The following TMPRSS15 variants were observed in gnomAD, a reference collection of about 807,000 sequenced individuals.
The protein encoded by TMPRSS15 is transmembrane serine protease 15, also known as enteropeptidase.
Under a neutral mutation model 125.3 loss-of-function variants are expected in TMPRSS15, and 128 were observed. That is an observed-to-expected ratio of 1.02 (90% CI 0.89 to 1.18). TMPRSS15 has a LOEUF of 1.18. Ranked by LOEUF, TMPRSS15 falls within the 50% of genes most tolerant of loss-of-function variation. The pLI is 0.00. For synonymous variants in TMPRSS15, 446 were observed against 423.2 expected (o/e 1.05, Z -0.66); for missense variants, 1,283 against 1,212.7 (o/e 1.06, Z -0.86).
chr21:18,465,159 C>A (rs994837101), intron 1 of TMPRSS15, among the ~76,000 whole-genome samples: 1 of 152,074 alleles, frequency 6.6e-6, no homozygotes, highest in African/African-American at 2.4e-5. Context: ...ATGACAAAAA[C>A]CACATGATTA....
rs1262341034 is a variant in TMPRSS15, at chr21:18,281,056, A to G, written c.2652T>C (p.Phe884=). Residue 884 remains phenylalanine, a synonymous_variant, in exon 22 of 25, where the codon TTT becomes TTC. Transcript: ENST00000284885. ...TTTTTTTACCTGTGTAATTCACTTT[A>G]AATTCCAGATGCATCATGGCAATGT... The part of the protein sequence containing the change: ...DNDIAMMHLE[F]KVNYTDYIQP... The G allele has an allele frequency of 3.1e-6, 5 of 1,613,800 alleles. No homozygotes were observed. Among genetic ancestry groups the G allele is most frequent in the Non-Finnish European group, 3.4e-6 (4 of 1,180,008 alleles).
At chr21:18,458,544 A>C (rs138561318) in intron 1 of TMPRSS15, among the ~76,000 whole-genome samples, 40 of 152,324 alleles carry the variant, frequency 2.6e-4, no homozygotes, top group African/African-American at 7.2e-4. Flanking sequence ...GTTTTCACAA[A>C]GTGGTCGGAC....
chr21:18,332,565 A>T (rs1601347328), intron 13 of TMPRSS15, among the ~76,000 whole-genome samples: 1 of 152,184 alleles, frequency 6.6e-6, no homozygotes, highest in Non-Finnish European at 1.5e-5. Context: ...CACCAGTCAG[A>T]ATGGCTATTA....
chr21:18,281,293 T>C (rs956953314), intron 21 of TMPRSS15, 72 bp from the exon 22 acceptor site: 65 of 1,268,616 alleles, frequency 5.1e-5, no homozygotes, highest in Non-Finnish European at 6.7e-5. Flanking sequence ...ATCTTCATCA[T>C]GACATTTCAG....
chr21:18,344,707 A>T (rs559178668), intron 10 of TMPRSS15, among the ~76,000 whole-genome samples: 1 of 152,354 alleles, frequency 6.6e-6, no homozygotes, highest in East Asian at 1.9e-4. Flanking sequence ...TATTCCAACC[A>T]ATGATTTCAG....
intron 1 of TMPRSS15, among the ~76,000 whole-genome samples, chr21:18,464,737 A>G (rs1246177189): frequency 2.0e-5 from 3 of 152,212 alleles, no homozygotes; most frequent in East Asian, 1.9e-4. Context: ...GAATAGACCA[A>G]TAACAATTTC....
chr21:18,412,466 T>C (rs2076168437), intron 1 of TMPRSS15, among the ~76,000 whole-genome samples: 1 of 152,232 alleles, frequency 6.6e-6, no homozygotes, highest in Admixed American at 6.5e-5. Flanking sequence ...GAACTAAAAG[T>C]TCCTGACATG....
chr21:18,279,556 G>C (rs528376381), intron 22 of TMPRSS15, among the ~76,000 whole-genome samples: 1 of 150,542 alleles, frequency 6.6e-6, no homozygotes. Flanking sequence ...GGATGGTCTC[G>C]ATTTCCTGAC....
At chr21:18,466,279 T>A (rs779227114) in intron 1 of TMPRSS15, among the ~76,000 whole-genome samples, 6 of 152,156 alleles carry the variant, frequency 3.9e-5, no homozygotes, top group Non-Finnish European at 8.8e-5. Context: ...GATTAAAGAC[T>A]TAAATGTAAG....
At chr21:18,311,589 GA>G (rs1478728174) in intron 18 of TMPRSS15, among the ~76,000 whole-genome samples, 6 of 152,070 alleles carry the variant, frequency 3.9e-5, no homozygotes, top group African/African-American at 1.4e-4. Flanking sequence ...GGCAGTAAGG[GA>G]TACTGGTGAA....
intron 1 of TMPRSS15, among the ~76,000 whole-genome samples, chr21:18,435,831 G>A (rs190489555): frequency 6.6e-6 from 1 of 152,186 alleles, no homozygotes; most frequent in East Asian, 1.9e-4. Flanking sequence ...TCTATTCAGA[G>A]ATTCGACTTC....
At chr21:18,419,220 CTTTTTTTTTTT>C (rs540004490) in intron 1 of TMPRSS15, among the ~76,000 whole-genome samples, 2 of 108,620 alleles carry the variant, frequency 1.8e-5, no homozygotes, top group Admixed American at 1.1e-4. Flanking sequence ...GACATTTCCT[CTTTTTTTTTTT>C]TTTTTTTTTT....
At chr21:18,405,102 T>G (rs1309040483), upstream of TMPRSS15, among the ~76,000 whole-genome samples, 1 of 152,138 alleles carries the variant, frequency 6.6e-6, no homozygotes, top group Admixed American at 6.6e-5. Context: ...GTATGGCTAG[T>G]GCAGAAGCAA....
At chr21:18,333,048 G>A (rs930452353) in intron 13 of TMPRSS15, among the ~76,000 whole-genome samples, 3 of 152,080 alleles carry the variant, frequency 2.0e-5, no homozygotes, top group African/African-American at 7.2e-5. Flanking sequence ...AATGATGAGA[G>A]CACATGGACA....
chr21:18,288,627 G>C (rs973455399), intron 21 of TMPRSS15, among the ~76,000 whole-genome samples: 1 of 130,240 alleles, frequency 7.7e-6, no homozygotes, highest in Admixed American at 9.9e-5. Flanking sequence ...CACAACCTTC[G>C]CCTCCCGGGT....
intron 4 of TMPRSS15, among the ~76,000 whole-genome samples, chr21:18,381,107 C>T (rs55874336): frequency 6.6e-6 from 1 of 152,232 alleles, no homozygotes; most frequent in Non-Finnish European, 1.5e-5. Context: ...ATAGACTCAC[C>T]TATGCAAGAT....
Position 18,281,122 on chromosome 21 carries a change from A to C in TMPRSS15, c.2586T>G (p.Ile862Met), listed in dbSNP as rs774721032. The C allele has an allele frequency of 8.7e-6, 14 of 1,613,920 alleles. No individual in the cohort carries two copies. In the South Asian group the frequency reaches 1.5e-4, roughly 18 times the overall value. ...GCCTATTGTAATGAGGGTTTATGAC[A>C]ATTTCATCTATTAATCGAGGGACTG... Reference protein sequence around the residue: ...PQTVPRLIDEIVINPHYNRRR... With the variant: ...PQTVPRLIDEMVINPHYNRRR... Residue 862 changes from isoleucine to methionine, a missense_variant, in exon 22 of 25, where the codon ATT (isoleucine) becomes ATG (methionine). Transcript: ENST00000284885.
At chr21:18,397,208 A>G (rs2076048996) in intron 3 of TMPRSS15, among the ~76,000 whole-genome samples, 2 of 152,140 alleles carry the variant, frequency 1.3e-5, no homozygotes, top group South Asian at 4.1e-4. Flanking sequence ...AGAAAACTTT[A>G]GGTTCAGAGA....
intron 23 of TMPRSS15, among the ~76,000 whole-genome samples, chr21:18,278,641 G>GA (rs2074649783): frequency 1.3e-5 from 2 of 152,106 alleles, no homozygotes; most frequent in Non-Finnish European, 2.9e-5. Flanking sequence ...AGAATGGCGT[G>GA]AACCCGGGAG....
Sources: allele counts gnomAD v4.1 joint callset (sites outside exome capture counted in the v4.1 genomes callset), GRCh38; gene constraint gnomAD v4.1.1; transcripts MANE v1.5; gene names NCBI Gene and HGNC (gene_info 2026-07-23, HGNC 2026-07-21).